Variants in TNRC6A observed in about 807,000 individuals in gnomAD.
The protein encoded by TNRC6A is trinucleotide repeat-containing gene 6A protein.
Under a neutral mutation model 221.2 loss-of-function variants are expected in TNRC6A, and 44 were observed. The observed-to-expected ratio is 0.20, with a 90% CI of 0.16 to 0.26. The LOEUF is 0.26. Ranked by LOEUF, TNRC6A falls within the 10% of genes least tolerant of loss-of-function variation. The probability of loss-of-function intolerance (pLI) is 1.00; values close to 1 mark genes in which losing one functional copy is unlikely to be tolerated. For synonymous variants in TNRC6A, 847 were observed against 838.5 expected (o/e 1.01, Z -0.18); for missense variants, 2,199 against 2,404.4 (o/e 0.91, Z 1.79).
At chr16:24,697,975 A>C (rs956964173) in intron 2 of TNRC6A, among the ~76,000 whole-genome samples, 2 of 147,856 alleles carry the variant, frequency 1.4e-5, no homozygotes, top group Non-Finnish European at 3.0e-5. Flanking sequence ...GGAGGCAGAG[A>C]TTGCACCACT....
intron 2 of TNRC6A, among the ~76,000 whole-genome samples, chr16:24,705,691 A>G (rs1276128912): frequency 6.6e-6 from 1 of 152,220 alleles, no homozygotes; most frequent in Non-Finnish European, 1.5e-5. Context: ...CTTAGAGACT[A>G]CAAGAATATT....
intron 1 of TNRC6A, 75 bp from the exon 2 acceptor site, chr16:24,730,178 A>C (rs1596560615): frequency 3.3e-6 from 4 of 1,195,048 alleles, no homozygotes; most frequent in South Asian, 1.5e-5. Context: ...CTGCCGCAGC[A>C]GCTCCGTTTT....
intron 1 of TNRC6A, among the ~76,000 whole-genome samples, chr16:24,623,275 T>C (rs1051088267): frequency 1.3e-5 from 2 of 152,046 alleles, no homozygotes; most frequent in African/African-American, 4.8e-5. Flanking sequence ...CTCGGCTCAC[T>C]GCAAGCTCCG....
chr16:24,786,103 A>G (rs1452283427), intron 5 of TNRC6A, among the ~76,000 whole-genome samples: 1 of 152,180 alleles, frequency 6.6e-6, no homozygotes, highest in East Asian at 1.9e-4. Flanking sequence ...ATCTAAGTGG[A>G]AATTTTAAGT....
chr16:24,659,304 G>A (rs553089990), intron 2 of TNRC6A, among the ~76,000 whole-genome samples: 1 of 152,046 alleles, frequency 6.6e-6, no homozygotes, highest in Admixed American at 6.6e-5. Flanking sequence ...TAGGACAGAG[G>A]TTTTGCTATG....
At position 24,729,656 on chromosome 16, in the gene TNRC6A, C is replaced by A; in HGVS notation, c.-186C>A. On this transcript the variant is annotated 5_prime_UTR_variant, in exon 1 of 25. Transcript: ENST00000395799. ...GGTTGCCGAGTGGGGCATTCACTTC[C>A]GGTCTGGGGCCTGCGGCGGCGGCGG... The A allele has an allele frequency of 5.0e-6, 3 of 599,764 alleles. No individual in the cohort carries two copies. The highest frequency in any genetic ancestry group is 4.5e-5 in the Admixed American group (1 of 22,226). 37.2% of individuals were successfully genotyped at this position (599,764 alleles called of 1,614,324 possible).
chr16:24,634,983 A>G (rs980089413), intron 1 of TNRC6A, among the ~76,000 whole-genome samples: 7 of 152,240 alleles, frequency 4.6e-5, no homozygotes, highest in Admixed American at 2.6e-4. Flanking sequence ...TTGTTGAGAC[A>G]GGGTCTTGCT....
chr16:24,821,848 A>G lies in TNRC6A; in HGVS notation c.5303-229A>G, dbSNP rs183229267. ...GGCTCACTGCCCTCCTCTGTGGTGA[A>G]CTGGGAGCCATTCTGAGCTCACTGT... is the stretch of plus-strand genomic sequence containing the variant. On this transcript the variant is annotated intron_variant, in intron 22 of 24. Coordinates refer to ENST00000395799, the MANE Select transcript of TNRC6A (RefSeq NM_014494.4). 1.0e-3 allele frequency: 581 copies of G among 562,020 alleles called. 2 individuals are homozygous for G. Among genetic ancestry groups the G allele is most frequent in the African/African-American group, 0.01 (535 of 53,340 alleles). The allele number at this position is 562,020 out of a possible 1,614,324, so 34.8% of individuals were successfully genotyped here.
rs181726960 is a variant in TNRC6A, at chr16:24,774,010, T to C, written c.164-2923T>C. Among the ~76,000 whole-genome samples, 349 of 152,324 alleles carry C rather than the reference T, an allele frequency of 2.3e-3. 1 individual carries two copies. The highest frequency in any genetic ancestry group is 8.0e-3 in the African/African-American group (334 of 41,574). ...TATTGTGACACAGATAATTGGGGGC[T>C]TCTATTTAGCATCCTAGTTTGCATT... On this transcript the variant is annotated intron_variant, in intron 4 of 24. Coordinates refer to ENST00000395799, the MANE Select transcript of TNRC6A (RefSeq NM_014494.4).
intron 4 of TNRC6A, among the ~76,000 whole-genome samples, chr16:24,774,592 T>C (rs2151696757): frequency 6.6e-6 from 1 of 152,332 alleles, no homozygotes; most frequent in East Asian, 1.9e-4. Flanking sequence ...TGTTTAGATT[T>C]TTAAAGTAAT....
At chr16:24,723,154 G>C (rs1386020884) in intron 2 of TNRC6A, among the ~76,000 whole-genome samples, 1 of 152,148 alleles carries the variant, frequency 6.6e-6, no homozygotes, top group African/African-American at 2.4e-5. Flanking sequence ...CTTCATTACA[G>C]TATCAGATTT....
At chr16:24,618,129 A>G (rs1163791784) in intron 1 of TNRC6A, among the ~76,000 whole-genome samples, 1 of 127,556 alleles carries the variant, frequency 7.8e-6, no homozygotes, top group Non-Finnish European at 1.7e-5. Flanking sequence ...CATGTTGCCC[A>G]GACTGGGTCT....
intron 2 of TNRC6A, among the ~76,000 whole-genome samples, chr16:24,654,685 C>T (rs1902865444): frequency 6.6e-6 from 1 of 151,902 alleles, no homozygotes; most frequent in Non-Finnish European, 1.5e-5. Flanking sequence ...CACCACTGCA[C>T]TCCAGCCTGG....
chr16:24,635,140 CT>C (rs1369034424), intron 1 of TNRC6A, among the ~76,000 whole-genome samples: 150 of 85,850 alleles, frequency 1.7e-3, no homozygotes, highest in African/African-American at 7.7e-3. Context: ...CTTTCTTTTT[CT>C]TTTCTTTCCT....
Position 24,750,776 on chromosome 16 carries a change from AAG to A in TNRC6A, c.106_107del (p.Asp36ArgfsTer14). On this transcript the variant is annotated frameshift_variant, in exon 3 of 25. Coordinates refer to ENST00000395799, the MANE Select transcript of TNRC6A (RefSeq NM_014494.4). LOFTEE classifies it high-confidence loss of function. ...TTGATGGAAGAAAAGAAAAAGAAAA[AAG>A]ACGACAAGAAAAAGAAGGAAGCTGC... is the stretch of plus-strand genomic sequence containing the variant. 6.4e-7 allele frequency: 1 copy of A among 1,569,792 alleles called. No individual in the cohort carries two copies. Among genetic ancestry groups the A allele is most frequent in the Non-Finnish European group, 8.6e-7 (1 of 1,160,954 alleles).
intron 2 of TNRC6A, among the ~76,000 whole-genome samples, chr16:24,684,574 G>A (rs1356150589): frequency 6.6e-6 from 1 of 152,204 alleles, no homozygotes; most frequent in Non-Finnish European, 1.5e-5. Flanking sequence ...GGGAAACCAA[G>A]ATGGGAGGAT....
intron 2 of TNRC6A, among the ~76,000 whole-genome samples, chr16:24,645,834 CAAAA>C (rs36106864): frequency 0.018 from 484 of 26,562 alleles, 1 homozygote; most frequent in African/African-American, 0.025. Flanking sequence ...CCTGTATCTA[CAAAA>C]AAAAAAAAAA....
In TNRC6A at chr16:24,766,250, C is replaced by G. The variant is rs151306492; in HGVS notation, c.163+7890C>G. 1.2e-4 allele frequency among the ~76,000 whole-genome samples: 19 copies of G among 152,292 alleles called. No individual in the cohort carries two copies. In the East Asian group the frequency reaches 3.3e-3, roughly 26 times the overall value. ...TAGACGTTCGAGCATGAATAGCTTT[C>G]TGAACTGCATTTGCCTCATCTGTAA... On this transcript the variant is annotated intron_variant, in intron 4 of 24. Coordinates refer to ENST00000395799, the MANE Select transcript of TNRC6A (RefSeq NM_014494.4).
At chr16:24,739,610 C>T (rs1458554955) in intron 2 of TNRC6A, among the ~76,000 whole-genome samples, 2 of 151,690 alleles carry the variant, frequency 1.3e-5, no homozygotes, top group Non-Finnish European at 2.9e-5. Context: ...TCCTGAGTAG[C>T]TGGGATTACA....
Sources: gnomAD v4.1 joint callset for allele counts (sites outside exome capture counted in the v4.1 genomes callset) on GRCh38, gnomAD v4.1.1 for gene constraint, MANE v1.5 for transcripts, NCBI Gene and HGNC (gene_info 2026-07-23, HGNC 2026-07-21) for gene names.